The following GRIN2B variants were observed in gnomAD, a reference collection of about 807,000 sequenced individuals.
GRIN2B encodes the protein glutamate ionotropic receptor NMDA type subunit 2B.
GRIN2B carries 5 observed loss-of-function variants against 114.5 expected under a neutral mutation model. The observed-to-expected ratio is 0.04, with a 90% CI of 0.02 to 0.09. The LOEUF (loss-of-function observed/expected upper bound fraction) is 0.09. Ranked by LOEUF, GRIN2B falls within the 10% of genes least tolerant of loss-of-function variation. The probability of loss-of-function intolerance (pLI) is 1.00; values close to 1 mark genes in which losing one functional copy is unlikely to be tolerated. For synonymous variants in GRIN2B, 787 were observed against 745.1 expected (o/e 1.06, Z -0.92); for missense variants, 1,108 against 1,943.5 (o/e 0.57, Z 8.08).
chr12:13,602,517 G>A (rs568010862), intron 10 of GRIN2B, among the ~76,000 whole-genome samples: 26 of 152,336 alleles, frequency 1.7e-4, no homozygotes, highest in Non-Finnish European at 3.5e-4. Flanking sequence ...TTGTGCAGTG[G>A]AAAGCATGGC....
chr12:13,762,056 T>G (rs1007609387), intron 3 of GRIN2B, among the ~76,000 whole-genome samples: 5 of 152,130 alleles, frequency 3.3e-5, no homozygotes, highest in African/African-American at 9.7e-5. Flanking sequence ...CAGGCTGGAG[T>G]GCAGTGGTGC....
chr12:13,780,656 C>G (rs906605134), intron 3 of GRIN2B, among the ~76,000 whole-genome samples: 2 of 151,962 alleles, frequency 1.3e-5, no homozygotes, highest in African/African-American at 2.4e-5. Flanking sequence ...TAACAGAGAG[C>G]AAGGGTTTAT....
Position 13,719,273 on chromosome 12 carries a change from G to T in GRIN2B, c.1010+34044C>A, listed in dbSNP as rs553917480. Among the ~76,000 whole-genome samples, 6 of 152,110 alleles carry T rather than the reference G, an allele frequency of 3.9e-5. No homozygotes were observed. In the East Asian group the frequency reaches 1.2e-3, roughly 29 times the overall value. ...TATAAATATATGTACAGTGCATTCG[G>T]TCACTCATTCTTGTTGGCTTTTTCC... On this transcript the variant is annotated intron_variant, in intron 4 of 13. Transcript: ENST00000609686.
At chr12:13,792,718 A>T (rs940567896) in intron 3 of GRIN2B, among the ~76,000 whole-genome samples, 4 of 152,114 alleles carry the variant, frequency 2.6e-5, no homozygotes, top group African/African-American at 9.7e-5. Flanking sequence ...ATGCTGTGGC[A>T]CCTGACAGAA....
chr12:13,652,899 T>C (rs1949828882), intron 5 of GRIN2B, among the ~76,000 whole-genome samples: 1 of 152,046 alleles, frequency 6.6e-6, no homozygotes, highest in South Asian at 2.1e-4. Flanking sequence ...ACAAAGAAAA[T>C]AGAAATGGAA....
intron 5 of GRIN2B, among the ~76,000 whole-genome samples, chr12:13,640,578 C>T (rs546263974): frequency 1.3e-5 from 2 of 152,200 alleles, no homozygotes; most frequent in East Asian, 3.9e-4. Context: ...TCCTTTATTC[C>T]GAATCTGGCT....
At chr12:13,939,999 C>G (rs1358005165) in intron 2 of GRIN2B, among the ~76,000 whole-genome samples, 1 of 152,074 alleles carries the variant, frequency 6.6e-6, no homozygotes, top group African/African-American at 2.4e-5. Flanking sequence ...GACCTGTAAA[C>G]CTGTAAGTGC....
chr12:13,566,767 G>C (rs1415756841), intron 13 of GRIN2B, among the ~76,000 whole-genome samples: 1 of 152,220 alleles, frequency 6.6e-6, no homozygotes, highest in Non-Finnish European at 1.5e-5. Flanking sequence ...CATTTTGACA[G>C]ATCTGTCAGT....
intron 5 of GRIN2B, among the ~76,000 whole-genome samples, chr12:13,668,978 A>T (rs1488589674): frequency 2.5e-5 from 2 of 79,080 alleles, no homozygotes; most frequent in African/African-American, 5.1e-5. Flanking sequence ...GGGGAGGGAG[A>T]GGAGGTGGAG....
intron 4 of GRIN2B, among the ~76,000 whole-genome samples, chr12:13,693,709 A>T (rs567693982): frequency 5.3e-5 from 8 of 152,128 alleles, no homozygotes; most frequent in Non-Finnish European, 1.2e-4. Context: ...TTGTGTAGAC[A>T]GGCATGGAAA....
At chr12:13,879,113 C>A (rs1220519143) in intron 2 of GRIN2B, among the ~76,000 whole-genome samples, 3 of 152,012 alleles carry the variant, frequency 2.0e-5, no homozygotes, top group Non-Finnish European at 4.4e-5. Flanking sequence ...TACAATCATG[C>A]GTGGCTTAAT....
At chr12:13,887,953 AC>A (rs1212090674) in intron 2 of GRIN2B, among the ~76,000 whole-genome samples, 1 of 152,184 alleles carries the variant, frequency 6.6e-6, no homozygotes, top group African/African-American at 2.4e-5. Context: ...CCCAGGACTG[AC>A]GCAGTGCACA....
At chr12:13,910,017 A>C (rs559256942) in intron 2 of GRIN2B, among the ~76,000 whole-genome samples, 21 of 152,332 alleles carry the variant, frequency 1.4e-4, no homozygotes, top group Admixed American at 3.9e-4. Flanking sequence ...AGCCACTTAG[A>C]TATTTCAGGA....
At chr12:13,778,493 A>G (rs1591725475) in intron 3 of GRIN2B, among the ~76,000 whole-genome samples, 1 of 152,192 alleles carries the variant, frequency 6.6e-6, no homozygotes, top group African/African-American at 2.4e-5. Flanking sequence ...TGTGGCTCCT[A>G]TTCTGCCAGG....
intron 2 of GRIN2B, among the ~76,000 whole-genome samples, chr12:13,914,202 T>C (rs535538093): frequency 1.2e-4 from 19 of 152,236 alleles, no homozygotes; most frequent in African/African-American, 4.1e-4. Flanking sequence ...TTTTCACTAC[T>C]GGTCCCCTGC....
chr12:13,589,323 G>A (rs1216742559), intron 10 of GRIN2B, among the ~76,000 whole-genome samples: 1 of 152,156 alleles, frequency 6.6e-6, no homozygotes, highest in Non-Finnish European at 1.5e-5. Context: ...GTAACAGGTA[G>A]AATCCAAGTT....
chr12:13,596,982 A>G (rs961437922), intron 10 of GRIN2B, among the ~76,000 whole-genome samples: 1 of 151,784 alleles, frequency 6.6e-6, no homozygotes, highest in African/African-American at 2.4e-5. Context: ...CACACAAAGA[A>G]GACACAGGGC....
chr12:13,563,592 G>C lies in GRIN2B; in HGVS notation c.3646C>G (p.Arg1216Gly). The C allele has an allele frequency of 6.2e-7, 1 of 1,614,044 alleles. No individual in the cohort carries two copies. The change falls in exon 14 of 14, where the codon CGC becomes GGC. Residue 1216 changes from arginine (R) to glycine (G), a missense_variant. By Grantham distance (125) the Arg-to-Gly change is moderately radical. Transcript: ENST00000609686. ...WEDRSGGNFC[R>G]SCPSKLHNYS... is the part of the protein sequence containing the mutation. ...TTGTGCAGCTTGGAGGGACAGCTGC[G>C]GCAGAAGTTGCCCCCGGACCGGTCC... is the stretch of plus-strand genomic sequence containing the variant.
chr12:13,767,845 A>C (rs1477535882), intron 3 of GRIN2B, among the ~76,000 whole-genome samples: 1 of 152,240 alleles, frequency 6.6e-6, no homozygotes, highest in African/African-American at 2.4e-5. Flanking sequence ...TCTCATCAAG[A>C]AACTCCATAG....
Sources: gnomAD v4.1 joint callset for allele counts (sites outside exome capture counted in the v4.1 genomes callset) on GRCh38, gnomAD v4.1.1 for gene constraint, MANE v1.5 for transcripts, NCBI Gene and HGNC (gene_info 2026-07-23, HGNC 2026-07-21) for gene names.